The following DPP10 variants were observed in gnomAD, a reference collection of about 807,000 sequenced individuals.
DPP10 encodes inactive dipeptidyl peptidase 10.
DPP10 carries 33 observed loss-of-function variants against 120.9 expected under a neutral mutation model. The ratio of observed to expected loss-of-function variants is 0.27; its 90% CI spans 0.21 to 0.37. DPP10 has a LOEUF of 0.37. DPP10 is among the 10% of genes least tolerant of loss of function. The pLI, the probability that DPP10 is intolerant of heterozygous loss-of-function variation, is 1.00. For missense variants in DPP10, 816 were observed against 942.8 expected, an observed-to-expected ratio of 0.87 and a Z score of 1.76; for synonymous variants, 337 against 326.1, an observed-to-expected ratio of 1.03 and a Z score of -0.36.
chr2:115,385,351 C>CTTT (rs563049219), intron 3 of DPP10, among the ~76,000 whole-genome samples: 1 of 142,936 alleles, frequency 7.0e-6, no homozygotes, highest in Non-Finnish European at 1.5e-5. Flanking sequence ...TTCTGTCTTT[C>CTTT]TTTTTTTTTT....
At chr2:114,854,837 G>A (rs1263726502) in intron 1 of DPP10, among the ~76,000 whole-genome samples, 2 of 152,118 alleles carry the variant, frequency 1.3e-5, no homozygotes, top group African/African-American at 4.8e-5. Flanking sequence ...AATTTGAGAA[G>A]GTGGAAGTTT....
chr2:115,575,673 A>G (rs1643425874), intron 5 of DPP10, among the ~76,000 whole-genome samples: 1 of 152,132 alleles, frequency 6.6e-6, no homozygotes, highest in Non-Finnish European at 1.5e-5. Context: ...TGATCCCCCA[A>G]AATGTCCACA....
intron 5 of DPP10, among the ~76,000 whole-genome samples, chr2:115,549,117 C>T (rs2079707556): frequency 6.6e-6 from 1 of 152,122 alleles, no homozygotes; most frequent in South Asian, 2.1e-4. Context: ...CTATTACTGC[C>T]AGGTACATTC....
intron 3 of DPP10, among the ~76,000 whole-genome samples, chr2:115,426,037 C>T (rs1317512838): frequency 6.6e-6 from 1 of 151,862 alleles, no homozygotes; most frequent in Non-Finnish European, 1.5e-5. Flanking sequence ...CAGGTGCCAC[C>T]TCCGACACTG....
At chr2:115,580,211 C>T (rs2081934585) in intron 5 of DPP10, 1 of 152,096 alleles carries the variant, frequency 6.6e-6, no homozygotes, top group African/African-American at 2.4e-5. Context: ...TTAGCATTTT[C>T]TTATGGGGGA....
At chr2:114,603,210 A>C (rs1246686250) in intron 1 of DPP10, among the ~76,000 whole-genome samples, 2 of 152,096 alleles carry the variant, frequency 1.3e-5, no homozygotes, top group Non-Finnish European at 2.9e-5. Flanking sequence ...TTACATACTT[A>C]ACATGCATAT....
At chr2:114,504,139 A>C (rs796929949) in intron 1 of DPP10, among the ~76,000 whole-genome samples, 1 of 152,124 alleles carries the variant, frequency 6.6e-6, no homozygotes, top group Non-Finnish European at 1.5e-5. Context: ...TTGATGGGTA[A>C]ATTTTCAACA....
At chr2:115,618,730 G>A (rs553549708) in intron 5 of DPP10, among the ~76,000 whole-genome samples, 22 of 152,140 alleles carry the variant, frequency 1.4e-4, no homozygotes, top group Non-Finnish European at 2.2e-4. Flanking sequence ...CTAAGGAATA[G>A]CATTCACTTA....
At chr2:115,826,505 G>A (rs141180984) in intron 21 of DPP10, among the ~76,000 whole-genome samples, 6,158 of 152,130 alleles carry the variant, frequency 0.04, 183 homozygotes, top group Non-Finnish European at 0.062. Context: ...TGGATCACCT[G>A]AGGTCAGGAG....
intron 1 of DPP10, among the ~76,000 whole-genome samples, chr2:114,959,499 TC>T (rs1698455433): frequency 6.6e-6 from 1 of 152,232 alleles, no homozygotes; most frequent in South Asian, 2.1e-4. Context: ...AGTTGTTTCT[TC>T]TTTTTGCCTA....
chr2:115,216,868 TAG>T (rs200574282), intron 1 of DPP10, among the ~76,000 whole-genome samples: 5 of 148,294 alleles, frequency 3.4e-5, no homozygotes, highest in South Asian at 2.2e-4. Context: ...TATTTGGACA[TAG>T]ACATATACGT....
chr2:115,788,921 AT>A (rs963306609), intron 17 of DPP10, among the ~76,000 whole-genome samples: 1 of 152,148 alleles, frequency 6.6e-6, no homozygotes, highest in Non-Finnish European at 1.5e-5. Flanking sequence ...GATCGAGACC[AT>A]CCTGGCTAAC....
At chr2:115,068,330 C>CT (rs904917217) in intron 1 of DPP10, among the ~76,000 whole-genome samples, 95 of 145,776 alleles carry the variant, frequency 6.5e-4, no homozygotes, top group East Asian at 1.4e-3. Context: ...TAATGTTCAG[C>CT]TTTTTTTTTT....
At chr2:115,700,283 C>T (rs2091827563) in intron 7 of DPP10, among the ~76,000 whole-genome samples, 1 of 151,972 alleles carries the variant, frequency 6.6e-6, no homozygotes, top group Admixed American at 6.6e-5. Flanking sequence ...GACACAGATT[C>T]AAATCATGTC....
At chr2:114,612,895 A>AT (rs1558932649) in intron 1 of DPP10, among the ~76,000 whole-genome samples, 1 of 152,180 alleles carries the variant, frequency 6.6e-6, no homozygotes, top group Non-Finnish European at 1.5e-5. Flanking sequence ...ATGAGAAACT[A>AT]TTTTCAGCTA....
At chr2:115,762,677 A>G in intron 12 of DPP10, 67 bp downstream of exon 12, 3 of 1,566,736 alleles carry the variant, frequency 1.9e-6, no homozygotes, top group Non-Finnish European at 2.6e-6. Context: ...TTTTTATGTG[A>G]TAACTTTCTG....
chr2:114,973,379 A>G (rs1283197431), intron 1 of DPP10, among the ~76,000 whole-genome samples: 1 of 151,542 alleles, frequency 6.6e-6, no homozygotes, highest in Non-Finnish European at 1.5e-5. Flanking sequence ...AGTTAACTGT[A>G]GGCCGGGCAC....
At chr2:115,769,715 A>G (rs948482757) in intron 13 of DPP10, among the ~76,000 whole-genome samples, 15 of 151,956 alleles carry the variant, frequency 9.9e-5, no homozygotes, top group African/African-American at 3.4e-4. Flanking sequence ...ATATCTAGCT[A>G]TTAAAATGAT....
chr2:115,727,691 T>C, intron 7 of DPP10, 125 bp from the exon 8 acceptor site: 1 of 1,082,700 alleles, frequency 9.2e-7, no homozygotes, highest in Non-Finnish European at 1.2e-6. Context: ...ATGCCTTGAA[T>C]AAAAACAACT....
Sources: gnomAD v4.1 joint callset for allele counts (sites outside exome capture counted in the v4.1 genomes callset) on GRCh38, gnomAD v4.1.1 for gene constraint, MANE v1.5 for transcripts, NCBI Gene and HGNC (gene_info 2026-07-23, HGNC 2026-07-21) for gene names.